The following SIPA1L1 variants were observed in gnomAD, a reference collection of about 807,000 sequenced individuals.
SIPA1L1 encodes the protein signal induced proliferation associated 1 like 1, also known as signal-induced proliferation-associated 1-like protein 1.
In SIPA1L1, 26 loss-of-function variants were observed where a neutral mutation model predicts 162.7. The observed-to-expected ratio is 0.16, with a 90% CI of 0.12 to 0.22. SIPA1L1 has a LOEUF of 0.22. Among genes scored for constraint, SIPA1L1 ranks in the 10% least tolerant of loss-of-function variants. The pLI is 1.00. For synonymous variants in SIPA1L1, 829 were observed against 837.4 expected (o/e 0.99, Z 0.17); for missense variants, 1,874 against 2,241.0 (o/e 0.84, Z 3.31).
chr14:71,722,128 G>A (rs753331375), intron 17 of SIPA1L1, among the ~76,000 whole-genome samples: 6 of 152,210 alleles, frequency 3.9e-5, no homozygotes, highest in Admixed American at 2.6e-4. Flanking sequence ...TGCCAGGGGT[G>A]GGGGAGGGAG....
intron 2 of SIPA1L1, among the ~76,000 whole-genome samples, chr14:71,438,190 T>C (rs776024291): frequency 1.2e-4 from 18 of 152,250 alleles, no homozygotes; most frequent in Non-Finnish European, 1.9e-4. Context: ...AGTAATTCTT[T>C]AGATGTTAGA....
chr14:71,661,523 A>G (rs2043510036), intron 10 of SIPA1L1, 56 bp downstream of exon 10: 1 of 1,568,262 alleles, frequency 6.4e-7, no homozygotes, highest in African/African-American at 1.4e-5. Flanking sequence ...TATCGCATAG[A>G]GGCCCCATTC....
chr14:71,387,563 G>A (rs150022014), intron 2 of SIPA1L1, among the ~76,000 whole-genome samples: 32 of 152,300 alleles, frequency 2.1e-4, no homozygotes, highest in African/African-American at 7.5e-4. Context: ...TTCTGTAGGT[G>A]TTTAACACAG....
At chr14:71,493,706 G>A (rs2049483291) in intron 2 of SIPA1L1, among the ~76,000 whole-genome samples, 1 of 152,210 alleles carries the variant, frequency 6.6e-6, no homozygotes, top group South Asian at 2.1e-4. Flanking sequence ...TGTTCTGTTA[G>A]CAGTGAAGCT....
intron 2 of SIPA1L1, among the ~76,000 whole-genome samples, chr14:71,451,127 T>C (rs1412454813): frequency 1.3e-5 from 2 of 152,164 alleles, no homozygotes; most frequent in Admixed American, 6.5e-5. Context: ...TGGAGGACTT[T>C]ATGTTAGTGA....
At chr14:71,373,590 G>C (rs1411107396) in intron 2 of SIPA1L1, among the ~76,000 whole-genome samples, 4 of 150,464 alleles carry the variant, frequency 2.7e-5, no homozygotes, top group Admixed American at 2.0e-4. Context: ...CCGGGAGGCA[G>C]AGGTTGCAGT....
At chr14:71,587,057 C>CA (rs2034702098) in intron 4 of SIPA1L1, 1 of 151,936 alleles carries the variant, frequency 6.6e-6, no homozygotes, top group South Asian at 2.1e-4. Context: ...TGTAAGGAAA[C>CA]AAAAAACATG....
rs540175462 is a variant in SIPA1L1, at chr14:71,330,690, T to C, written c.-465+9509T>C. 5.4e-5 allele frequency: 47 copies of C among 875,248 alleles called. No homozygotes were observed. In the Admixed American group the frequency reaches 5.8e-4, roughly 11 times the overall value. 54.2% of individuals were successfully genotyped at this position (875,248 alleles called of 1,614,324 possible). A position where few individuals can be genotyped will look rare whatever the true frequency, so the allele number is the denominator to read the frequency against. The stretch of plus-strand genomic sequence containing the variant: ...GTACCCTCTCATGAGGAGGAATCCA[T>C]CCTGGAGGATTCTCATAGGCAGGCA... On this transcript the variant is annotated intron_variant, in intron 2 of 23. Coordinates refer to ENST00000381232, the MANE Select transcript of SIPA1L1 (RefSeq NM_001386936.1).
At chr14:71,517,305 T>C (rs2051836797) in intron 3 of SIPA1L1, among the ~76,000 whole-genome samples, 2 of 152,178 alleles carry the variant, frequency 1.3e-5, no homozygotes, top group Non-Finnish European at 2.9e-5. Flanking sequence ...GTAATGTAAT[T>C]AAAAAAATTT....
chr14:71,339,824 C>T (rs989960661), intron 2 of SIPA1L1, among the ~76,000 whole-genome samples: 8 of 152,134 alleles, frequency 5.3e-5, no homozygotes, highest in Non-Finnish European at 7.3e-5. Flanking sequence ...CTTTGTGTCA[C>T]ATTATTGCTA....
intron 2 of SIPA1L1, among the ~76,000 whole-genome samples, chr14:71,348,471 T>C (rs1353254061): frequency 6.6e-6 from 1 of 152,352 alleles, no homozygotes. Context: ...TGTATCAATA[T>C]CCAACTCTTT....
intron 17 of SIPA1L1, among the ~76,000 whole-genome samples, chr14:71,720,433 T>C (rs2083619751): frequency 6.6e-6 from 1 of 151,942 alleles, no homozygotes; most frequent in Non-Finnish European, 1.5e-5. Flanking sequence ...ATACAAAAAT[T>C]AGCTGGGCAT....
intron 2 of SIPA1L1, among the ~76,000 whole-genome samples, chr14:71,356,395 T>A (rs535698837): frequency 2.0e-5 from 3 of 151,024 alleles, no homozygotes; most frequent in Admixed American, 2.0e-4. Context: ...ATCAATAATA[T>A]AAGCTTTTAA....
intron 2 of SIPA1L1, among the ~76,000 whole-genome samples, chr14:71,490,072 G>T (rs1413447671): frequency 6.6e-6 from 1 of 152,274 alleles, no homozygotes; most frequent in South Asian, 2.1e-4. Flanking sequence ...AGTAGAGAAG[G>T]TTATTGCTAA....
chr14:71,325,053 G>A (rs1190213405), intron 2 of SIPA1L1, among the ~76,000 whole-genome samples: 1 of 152,096 alleles, frequency 6.6e-6, no homozygotes, highest in African/African-American at 2.4e-5. Flanking sequence ...TCCTTCTTCC[G>A]GGAGAGATAA....
intron 2 of SIPA1L1, among the ~76,000 whole-genome samples, chr14:71,378,506 G>T (rs1428933550): frequency 1.3e-5 from 2 of 152,024 alleles, no homozygotes; most frequent in African/African-American, 4.8e-5. Context: ...ATTCTGTTGT[G>T]GTCAGAGAAT....
intron 4 of SIPA1L1, among the ~76,000 whole-genome samples, chr14:71,537,216 A>AT (rs1034127626): frequency 5.9e-5 from 9 of 151,908 alleles, no homozygotes; most frequent in African/African-American, 1.9e-4. Context: ...TTATTTACTT[A>AT]TTTTTTTGAG....
At chr14:71,383,016 T>G (rs2040030980) in intron 2 of SIPA1L1, among the ~76,000 whole-genome samples, 1 of 152,130 alleles carries the variant, frequency 6.6e-6, no homozygotes, top group Non-Finnish European at 1.5e-5. Context: ...AAGCAGTGTC[T>G]TACTAGATGG....
At chr14:71,372,870 A>G (rs2039018796) in intron 2 of SIPA1L1, among the ~76,000 whole-genome samples, 1 of 152,192 alleles carries the variant, frequency 6.6e-6, no homozygotes, top group African/African-American at 2.4e-5. Flanking sequence ...GATGGAGCCT[A>G]CATCTGTAGA....
Sources: allele counts gnomAD v4.1 joint callset (sites outside exome capture counted in the v4.1 genomes callset), GRCh38; gene constraint gnomAD v4.1.1; transcripts MANE v1.5; gene names NCBI Gene and HGNC (gene_info 2026-07-23, HGNC 2026-07-21).